Variants in CTNNA2 observed in about 807,000 individuals in gnomAD.
CTNNA2 encodes the protein catenin alpha 2, also known as catenin alpha-2.
A neutral mutation model predicts 101.0 loss-of-function variants in CTNNA2; 42 were observed. The observed-to-expected ratio is 0.42, with a 90% confidence interval of 0.32 to 0.54. The LOEUF is 0.54. CTNNA2 is among the 20% of genes least tolerant of loss of function. CTNNA2 has a pLI of 0.14. For missense variants in CTNNA2, 871 were observed against 1,223.1 expected (o/e 0.71, Z 4.29); for synonymous variants, 450 against 456.4 (o/e 0.99, Z 0.18).
chr2:79,353,848 G>A (rs1326135048), intron 3 of CTNNA2, among the ~76,000 whole-genome samples: 2 of 152,130 alleles, frequency 1.3e-5, no homozygotes, highest in African/African-American at 2.4e-5. Flanking sequence ...AGGACCTACT[G>A]TAAGATCAGT....
At chr2:79,288,244 G>C (rs529824040) in intron 2 of CTNNA2, among the ~76,000 whole-genome samples, 1 of 152,342 alleles carries the variant, frequency 6.6e-6, no homozygotes, top group Non-Finnish European at 1.5e-5. Flanking sequence ...GACCAGAGCT[G>C]TTCCTATTCG....
intron 4 of CTNNA2, among the ~76,000 whole-genome samples, chr2:79,441,560 C>A (rs555933832): frequency 3.3e-5 from 5 of 152,252 alleles, no homozygotes; most frequent in African/African-American, 9.6e-5. Flanking sequence ...TACTTGCAAA[C>A]ATATTTTGGA....
intron 3 of CTNNA2, among the ~76,000 whole-genome samples, chr2:79,368,498 G>A (rs887912447): frequency 2.0e-5 from 3 of 152,140 alleles, no homozygotes; most frequent in Middle Eastern, 3.2e-3. Flanking sequence ...GACGTTGTGC[G>A]GATTTCCTCT....
chr2:79,632,415 A>G (rs1679752588), intron 1 of CTNNA2, among the ~76,000 whole-genome samples: 1 of 152,228 alleles, frequency 6.6e-6, no homozygotes, highest in Admixed American at 6.5e-5. Context: ...CCTCTAAAGT[A>G]ACAATAAATA....
intron 6 of CTNNA2, among the ~76,000 whole-genome samples, chr2:79,882,944 G>T (rs1037706814): frequency 1.3e-5 from 2 of 152,168 alleles, no homozygotes; most frequent in Admixed American, 6.6e-5. Flanking sequence ...GGGGGTGGGG[G>T]CTCCCATGCC....
intron 7 of CTNNA2, among the ~76,000 whole-genome samples, chr2:80,285,922 T>G (rs1209674765): frequency 1.3e-5 from 2 of 152,184 alleles, no homozygotes; most frequent in Non-Finnish European, 2.9e-5. Flanking sequence ...TTTTTTCTTT[T>G]CAAAATTGCA....
At position 80,152,629 on chromosome 2, in the gene CTNNA2, C is replaced by A. The variant is rs757067483; in HGVS notation, c.1057-240582C>A. ...CACCCAGTCAGCACATCAAAAGTTA[C>A]CAAAAAGGGACAAGAGAAATCAAAG... On this transcript the variant is annotated intron_variant, in intron 7 of 18. Transcript: ENST00000402739. Among the ~76,000 whole-genome samples, 9 of 151,176 alleles carry A rather than the reference C, an allele frequency of 6.0e-5. 1 individual carries two copies. Among genetic ancestry groups the A allele is most frequent in the Admixed American group, 1.3e-4 (2 of 15,194 alleles).
At chr2:80,443,695 T>C (rs951799582) in intron 9 of CTNNA2, among the ~76,000 whole-genome samples, 2 of 152,196 alleles carry the variant, frequency 1.3e-5, no homozygotes, top group Non-Finnish European at 2.9e-5. Context: ...TCAATTTTTC[T>C]CATCTGTATA....
chr2:80,581,968 T>G, intron 14 of CTNNA2, 149 bp downstream of exon 14: 1 of 586,672 alleles, frequency 1.7e-6, no homozygotes, highest in South Asian at 2.2e-5. Context: ...TTATAGCAAA[T>G]CACATTTTAC....
At chr2:80,313,315 A>G (rs1239648525) in intron 7 of CTNNA2, 5 of 1,121,956 alleles carry the variant, frequency 4.5e-6, no homozygotes, top group Non-Finnish European at 5.7e-6. Context: ...TATTTAACAT[A>G]CGTGTTTGCT....
At chr2:80,359,876 A>G (rs1192818677) in intron 7 of CTNNA2, among the ~76,000 whole-genome samples, 1 of 152,038 alleles carries the variant, frequency 6.6e-6, no homozygotes, top group Non-Finnish European at 1.5e-5. Context: ...TTTTTCTTAT[A>G]TTTCCATATC....
At chr2:79,361,624 A>G (rs1677631591) in intron 3 of CTNNA2, among the ~76,000 whole-genome samples, 1 of 152,138 alleles carries the variant, frequency 6.6e-6, no homozygotes, top group Admixed American at 6.6e-5. Context: ...AGAGGGATAG[A>G]ACTAATAGGA....
chr2:79,947,446 T>C (rs1302515517), intron 7 of CTNNA2, among the ~76,000 whole-genome samples: 1 of 152,202 alleles, frequency 6.6e-6, no homozygotes, highest in African/African-American at 2.4e-5. Context: ...ATTGTAATGA[T>C]GCAAAGTAGT....
chr2:79,802,103 T>A (rs989582315), intron 3 of CTNNA2, among the ~76,000 whole-genome samples: 3 of 151,704 alleles, frequency 2.0e-5, no homozygotes, highest in African/African-American at 7.3e-5. Flanking sequence ...CAGGATAAGA[T>A]AAATCAGAAC....
At chr2:80,629,499 C>T (rs551014933) in intron 18 of CTNNA2, among the ~76,000 whole-genome samples, 16 of 152,202 alleles carry the variant, frequency 1.1e-4, no homozygotes, top group African/African-American at 2.4e-4. Context: ...CTAAATCTTT[C>T]GGATACAGAT....
intron 2 of CTNNA2, among the ~76,000 whole-genome samples, chr2:79,302,186 A>C (rs1676129019): frequency 1.3e-5 from 2 of 152,312 alleles, no homozygotes; most frequent in Admixed American, 1.3e-4. Flanking sequence ...ACTTAGTGAC[A>C]TCAAACTCTA....
At chr2:80,299,287 A>G (rs1310569230) in intron 7 of CTNNA2, 1 of 152,214 alleles carries the variant, frequency 6.6e-6, no homozygotes, top group Non-Finnish European at 1.5e-5. Context: ...AGATTAATTA[A>G]TTTGAGAAAG....
At chr2:79,546,733 A>G (rs978746280) in intron 1 of CTNNA2, among the ~76,000 whole-genome samples, 5 of 152,216 alleles carry the variant, frequency 3.3e-5, no homozygotes, top group African/African-American at 9.6e-5. Flanking sequence ...AAGCAATGGC[A>G]TGTTAACTCA....
At chr2:80,597,924 A>G (rs532137327) in intron 15 of CTNNA2, among the ~76,000 whole-genome samples, 1 of 152,278 alleles carries the variant, frequency 6.6e-6, no homozygotes, top group South Asian at 2.1e-4. Flanking sequence ...TTACTCAAAG[A>G]TCTAGAACCA....
Sources: allele counts gnomAD v4.1 joint callset (sites outside exome capture counted in the v4.1 genomes callset), GRCh38; gene constraint gnomAD v4.1.1; transcripts MANE v1.5; gene names NCBI Gene and HGNC (gene_info 2026-07-23, HGNC 2026-07-21).